Variants in MECOM observed in about 807,000 individuals in gnomAD.
MECOM encodes histone-lysine N-methyltransferase MECOM.
Under a neutral mutation model 116.3 loss-of-function variants are expected in MECOM, and 13 were observed. That is an observed-to-expected ratio of 0.11 (90% CI 0.07 to 0.18). The LOEUF is 0.18. Ranked by LOEUF, MECOM falls within the 10% of genes least tolerant of loss-of-function variation. The pLI, the probability that MECOM is intolerant of heterozygous loss-of-function variation, is 1.00. For synonymous variants in MECOM, 528 were observed against 535.2 expected (o/e 0.99, Z 0.19); for missense variants, 1,299 against 1,509.0 (o/e 0.86, Z 2.31).
chr3:169,583,228 C>T (rs1765331095), intron 1 of MECOM, among the ~76,000 whole-genome samples: 1 of 152,180 alleles, frequency 6.6e-6, no homozygotes, highest in Non-Finnish European at 1.5e-5. Flanking sequence ...AGTAGTAATA[C>T]TCTCTTTTGT....
chr3:169,655,505 A>G (rs939030932), intron 1 of MECOM, among the ~76,000 whole-genome samples: 1 of 152,178 alleles, frequency 6.6e-6, no homozygotes, highest in Non-Finnish European at 1.5e-5. Flanking sequence ...TGGCTATACA[A>G]TGCCAAAATC....
At chr3:169,150,390 G>A (rs541697554) in intron 2 of MECOM, among the ~76,000 whole-genome samples, 36 of 152,334 alleles carry the variant, frequency 2.4e-4, no homozygotes, top group African/African-American at 7.9e-4. Context: ...GGGATTTCTG[G>A]TGAAATCTGT....
intron 3 of MECOM, among the ~76,000 whole-genome samples, chr3:169,139,208 T>C (rs1420266120): frequency 2.0e-5 from 3 of 152,116 alleles, no homozygotes; most frequent in Non-Finnish European, 2.9e-5. Context: ...AGATAATCTC[T>C]TATCGACACA....
At chr3:169,151,353 T>G (rs1209054577) in intron 2 of MECOM, among the ~76,000 whole-genome samples, 1 of 152,222 alleles carries the variant, frequency 6.6e-6, no homozygotes, top group Non-Finnish European at 1.5e-5. Flanking sequence ...ATAAAGTATG[T>G]TCCCATTCAC....
intron 2 of MECOM, among the ~76,000 whole-genome samples, chr3:169,232,977 C>T (rs1753590115): frequency 6.6e-6 from 1 of 152,032 alleles, no homozygotes; most frequent in African/African-American, 2.4e-5. Context: ...AGTTTCCTGG[C>T]AGGTCCCCAA....
Position 169,085,376 on chromosome 3 carries a change from A to G in MECOM, c.3586-333T>C, listed in dbSNP as rs756388389. ...ATCCACTACATATGTTCAATTCACC[A>G]AAAATATTATTGTGTGCTTATGACT... On this transcript the variant is annotated intron_variant, in intron 16 of 16. Coordinates refer to ENST00000651503, the MANE Select transcript of MECOM (RefSeq NM_004991.4). Among the ~76,000 whole-genome samples the G allele has an allele frequency of 2.0e-5, 3 of 152,202 alleles. 1 individual carries two copies. Among genetic ancestry groups the G allele is most frequent in the African/African-American group, 7.2e-5 (3 of 41,444 alleles).
chr3:169,324,941 T>C (rs1352368764), intron 2 of MECOM, among the ~76,000 whole-genome samples: 1 of 152,130 alleles, frequency 6.6e-6, no homozygotes, highest in Non-Finnish European at 1.5e-5. Context: ...CTGGTACAGA[T>C]TGAAGTTACC....
chr3:169,113,025 T>C (rs886296584), intron 8 of MECOM, 151 bp from the exon 9 acceptor site: 3 of 564,530 alleles, frequency 5.3e-6, no homozygotes, highest in Non-Finnish European at 6.1e-6. Flanking sequence ...GTCCAGTTCT[T>C]GGAGATTCCT....
chr3:169,485,599 G>C (rs977503118), intron 1 of MECOM, among the ~76,000 whole-genome samples: 3 of 151,996 alleles, frequency 2.0e-5, no homozygotes, highest in Non-Finnish European at 4.4e-5. Context: ...ACTTTAAAAA[G>C]AGGGAAATCA....
chr3:169,472,102 C>G (rs1475833732), intron 1 of MECOM, among the ~76,000 whole-genome samples: 1 of 151,954 alleles, frequency 6.6e-6, no homozygotes, highest in Non-Finnish European at 1.5e-5. Context: ...ATGGATACCC[C>G]ATTTACCCTA....
At chr3:169,292,273 C>T (rs949487565) in intron 2 of MECOM, among the ~76,000 whole-genome samples, 1 of 152,060 alleles carries the variant, frequency 6.6e-6, no homozygotes, top group African/African-American at 2.4e-5. Context: ...GGCAGGGTAG[C>T]AGTGAGCTGA....
At chr3:169,170,622 T>C (rs1744278885) in intron 2 of MECOM, among the ~76,000 whole-genome samples, 1 of 152,050 alleles carries the variant, frequency 6.6e-6, no homozygotes, top group African/African-American at 2.4e-5. Flanking sequence ...TTTTTTTCTC[T>C]AGTCTACATT....
At chr3:169,209,188 T>A (rs558467390) in intron 2 of MECOM, among the ~76,000 whole-genome samples, 1 of 152,106 alleles carries the variant, frequency 6.6e-6, no homozygotes, top group Non-Finnish European at 1.5e-5. Flanking sequence ...TTATTTTGAA[T>A]TACACTAAAA....
At chr3:169,160,506 A>G (rs1742679939) in intron 2 of MECOM, among the ~76,000 whole-genome samples, 2 of 148,856 alleles carry the variant, frequency 1.3e-5, no homozygotes, top group Non-Finnish European at 3.0e-5. Context: ...TAAATGTACA[A>G]TAATATATTG....
At chr3:169,534,557 AC>A (rs1407487362) in intron 1 of MECOM, among the ~76,000 whole-genome samples, 4 of 151,890 alleles carry the variant, frequency 2.6e-5, no homozygotes, top group Non-Finnish European at 5.9e-5. Context: ...TTAAAAAAAA[AC>A]CCTACTGACT....
At chr3:169,231,704 G>A (rs568981623) in intron 2 of MECOM, among the ~76,000 whole-genome samples, 1 of 151,484 alleles carries the variant, frequency 6.6e-6, no homozygotes, top group Non-Finnish European at 1.5e-5. Context: ...AAACCAGTAT[G>A]ATGAAGTCAT....
At chr3:169,540,823 G>T (rs1759973956) in intron 1 of MECOM, among the ~76,000 whole-genome samples, 1 of 151,944 alleles carries the variant, frequency 6.6e-6, no homozygotes, top group East Asian at 1.9e-4. Flanking sequence ...AAACATATTT[G>T]TACTCCTTAT....
intron 1 of MECOM, among the ~76,000 whole-genome samples, chr3:169,661,456 G>C (rs1318877900): frequency 6.6e-6 from 1 of 152,092 alleles, no homozygotes; most frequent in Non-Finnish European, 1.5e-5. Context: ...AGTTCCACCG[G>C]CGCCCTTTGA....
At chr3:169,465,388 A>G (rs1486891143) in intron 1 of MECOM, among the ~76,000 whole-genome samples, 3 of 152,210 alleles carry the variant, frequency 2.0e-5, no homozygotes, top group Admixed American at 6.5e-5. Context: ...TAATATGTAT[A>G]AAGTGCTCAG....
Sources: gnomAD v4.1 joint callset for allele counts (sites outside exome capture counted in the v4.1 genomes callset) on GRCh38, gnomAD v4.1.1 for gene constraint, MANE v1.5 for transcripts, NCBI Gene and HGNC (gene_info 2026-07-23, HGNC 2026-07-21) for gene names.